The following LMAN2 variants were observed in gnomAD, a reference collection of about 807,000 sequenced individuals.
LMAN2 encodes lectin, mannose binding 2.
Under a neutral mutation model 39.3 loss-of-function variants are expected in LMAN2, and 22 were observed. The observed-to-expected ratio is 0.56, with a 90% CI of 0.40 to 0.80. LMAN2 has a LOEUF of 0.80. Ranked by LOEUF, LMAN2 falls within the 30% of genes least tolerant of loss-of-function variation. The pLI, the probability that LMAN2 is intolerant of heterozygous loss-of-function variation, is 0.00. For missense variants in LMAN2, 494 were observed against 505.4 expected (o/e 0.98, Z 0.22); for synonymous variants, 207 against 207.8 (o/e 1.00, Z 0.03).
Position 177,351,656 on chromosome 5 carries a change from CCT to C in LMAN2, c.-11_-10del, listed in dbSNP as rs780841323. 3 of 1,571,106 alleles carry C rather than the reference CCT, an allele frequency of 1.9e-6. No individual in the cohort carries two copies. In the Admixed American group the frequency reaches 5.9e-5, roughly 31 times the overall value. ...CAGCCTTCCGCCGCCATTCTCCTCT[CCT>C]CTCGGCCACTTCCGCCCTAGAACTT... On this transcript the variant is annotated 5_prime_UTR_variant, in exon 1 of 8. Transcript: ENST00000303127.
Position 177,337,267 on chromosome 5 carries a change from G to A in LMAN2, c.676-17C>T, listed in dbSNP as rs946597208. ...GGTCATCACCTGCAGGGCCCAGCAC[G>A]CTAAGCACCTCGCAGGACAGCAGCC... On this transcript the variant is annotated splice_polypyrimidine_tract_variant and intron_variant, in intron 5 of 7. Transcript: ENST00000303127. The surrounding 1 kb of genome is among the most constrained non-coding windows in gnomAD (Gnocchi z 8.2). 10 of 1,613,442 alleles carry A rather than the reference G, an allele frequency of 6.2e-6. No homozygotes were observed. The highest frequency in any genetic ancestry group is 2.7e-5 in the African/African-American group (2 of 75,040).
In LMAN2 at chr5:177,337,264, C is replaced by T; in HGVS notation, c.676-14G>A. 1 of 1,613,614 alleles carries T rather than the reference C, an allele frequency of 6.2e-7. No homozygotes were observed. The highest frequency in any genetic ancestry group is 1.7e-5 in the Admixed American group (1 of 60,012). On this transcript the variant is annotated splice_polypyrimidine_tract_variant and intron_variant, in intron 5 of 7. Coordinates refer to ENST00000303127, the MANE Select transcript of LMAN2 (RefSeq NM_006816.3). The surrounding 1 kb of genome is among the most constrained non-coding windows in gnomAD (Gnocchi z 8.2). ...GTCGGTCATCACCTGCAGGGCCCAG[C>T]ACGCTAAGCACCTCGCAGGACAGCA...
At position 177,332,408 on chromosome 5, in the gene LMAN2, C is replaced by T; in HGVS notation, c.911-162G>A. The T allele has an allele frequency of 1.5e-6, 1 of 652,516 alleles. No homozygotes were observed. The allele number at this position is 652,516 out of a possible 1,614,324, so 40.4% of individuals were successfully genotyped here. ...GGGGCAGAGGTCAGGTGAAGCCCATCCCAGCCAGCTCTGCAGTCCCCAGGG... is the reference window on the plus strand; with the variant it reads ...GGGGCAGAGGTCAGGTGAAGCCCATTCCAGCCAGCTCTGCAGTCCCCAGGG... On this transcript the variant is annotated intron_variant, in intron 7 of 7. Coordinates refer to ENST00000303127, the MANE Select transcript of LMAN2 (RefSeq NM_006816.3). The surrounding 1 kb of genome is among the most constrained non-coding windows in gnomAD (Gnocchi z 6.3).
rs1325515738 is a variant in LMAN2 at position 177,351,241 on chromosome 5, G to T, written c.247C>A (p.Leu83Ile). Reference sequence around the variant, plus strand: ...GTCAGACGTACGTACTGGCTCGTGAGCATAGTGCTGCCCTGGAAGTCCCAG... The same window carrying T: ...GTCAGACGTACGTACTGGCTCGTGATCATAGTGCTGCCCTGGAAGTCCCAG... ...PLWDFQGSTMLTSQYVRLTPD... is the reference protein window; with the variant it reads ...PLWDFQGSTMITSQYVRLTPD... Residue 83 changes from leucine (L) to isoleucine (I), a missense_variant, in exon 2 of 8, where the codon CTC becomes ATC. Coordinates refer to ENST00000303127, the MANE Select transcript of LMAN2 (RefSeq NM_006816.3). 1.2e-5 allele frequency: 20 copies of T among 1,614,070 alleles called. No homozygotes were observed. Among genetic ancestry groups the T allele is most frequent in the Non-Finnish European group, 1.6e-5 (19 of 1,180,046 alleles).
chr5:177,348,293 A>T (rs1761666419), intron 2 of LMAN2, among the ~76,000 whole-genome samples: 1 of 152,220 alleles, frequency 6.6e-6, no homozygotes. Context: ...TTTTACTTGC[A>T]GAAGAATATG....
chr5:177,345,773 A>T (rs1380233771), intron 2 of LMAN2, among the ~76,000 whole-genome samples: 3 of 150,736 alleles, frequency 2.0e-5, no homozygotes, highest in African/African-American at 7.3e-5. Flanking sequence ...TTATTTATTT[A>T]TTTATTTATT....
Position 177,337,616 on chromosome 5 carries a change from T to C in LMAN2, c.513+90A>G. On this transcript the variant is annotated intron_variant, in intron 4 of 7. Coordinates refer to ENST00000303127, the MANE Select transcript of LMAN2 (RefSeq NM_006816.3). This position sits in a 1 kb window ranked among gnomAD's most constrained non-coding sequence, Gnocchi z 8.2. Reference sequence around the variant, plus strand: ...CCCCAATCCCTGGAGGCTCCTCTTGTGCTGGGACCATGGAAGTCCCAGGGC... The same window carrying C: ...CCCCAATCCCTGGAGGCTCCTCTTGCGCTGGGACCATGGAAGTCCCAGGGC... The C allele has an allele frequency of 1.9e-6, 3 of 1,605,248 alleles. No individual in the cohort carries two copies. Among genetic ancestry groups the C allele is most frequent in the South Asian group, 1.1e-5 (1 of 90,300 alleles).
At chr5:177,343,574 C>CAG (rs1761589427) in intron 2 of LMAN2, among the ~76,000 whole-genome samples, 1 of 152,160 alleles carries the variant, frequency 6.6e-6, no homozygotes, top group African/African-American at 2.4e-5. Context: ...GACACACACA[C>CAG]ACACACACAC....
chr5:177,338,682 C>T (rs1761511400), intron 2 of LMAN2, 77 bp from the exon 3 acceptor site: 5 of 1,167,256 alleles, frequency 4.3e-6, no homozygotes, highest in Admixed American at 3.4e-5. Context: ...CAGCACGGCC[C>T]CTGCCCCACA....
At chr5:177,341,044 C>T (rs1056731096) in intron 2 of LMAN2, among the ~76,000 whole-genome samples, 4 of 149,708 alleles carry the variant, frequency 2.7e-5, no homozygotes, top group Non-Finnish European at 5.9e-5. Flanking sequence ...TGTGAGCCAC[C>T]ACGCCCAGCC....
intron 2 of LMAN2, among the ~76,000 whole-genome samples, chr5:177,339,164 T>C (rs1761517560): frequency 6.6e-6 from 1 of 152,176 alleles, no homozygotes; most frequent in Non-Finnish European, 1.5e-5. Flanking sequence ...CCGAGAGCTC[T>C]GCTCTGCCTT....
chr5:177,351,234 C>G lies in LMAN2; in HGVS notation c.254G>C (p.Ser85Thr), dbSNP rs1483171977. 1.9e-6 allele frequency: 3 copies of G among 1,614,070 alleles called. No homozygotes were observed. The Admixed American group carries it at 5.0e-5, about 27-fold the overall frequency. Residue 85 changes from serine (S) to threonine (T), a missense_variant, in exon 2 of 8, where the codon AGC (serine) becomes ACC (threonine). Physicochemically the swap from Ser to Thr is moderately conservative, Grantham distance 58. Coordinates refer to ENST00000303127, the MANE Select transcript of LMAN2 (RefSeq NM_006816.3). The part of the protein sequence containing the change: ...WDFQGSTMLT[S>T]QYVRLTPDER... ...GTCAGGGGTCAGACGTACGTACTGG[C>G]TCGTGAGCATAGTGCTGCCCTGGAA...
In LMAN2 at chr5:177,331,922, A is replaced by G; in HGVS notation, c.*164T>C. The stretch of plus-strand genomic sequence containing the variant: ...CCAGACCCTAAGCCTCGGCTCTGCC[A>G]CCTGTCCCTGCTGGGCAAGAAGCAA... On this transcript the variant is annotated 3_prime_UTR_variant, in exon 8 of 8. Transcript: ENST00000303127. The G allele has an allele frequency of 1.2e-6, 1 of 826,800 alleles. No homozygotes were observed. The highest frequency in any genetic ancestry group is 2.0e-5 in the South Asian group (1 of 49,140). The allele number at this position is 826,800 out of a possible 1,614,324, so 51.2% of individuals were successfully genotyped here.
intron 2 of LMAN2, among the ~76,000 whole-genome samples, chr5:177,342,117 T>TA (rs1214073297): frequency 2.6e-5 from 4 of 152,180 alleles, no homozygotes; most frequent in Admixed American, 2.0e-4. Context: ...AAATGCTAAA[T>TA]AAAAAAACAA....
intron 7 of LMAN2, among the ~76,000 whole-genome samples, chr5:177,333,404 C>T (rs528356453): frequency 3.3e-5 from 5 of 152,376 alleles, no homozygotes; most frequent in Non-Finnish European, 5.9e-5. Flanking sequence ...AGGCAGGTGC[C>T]ACCTCTGCAA....
chr5:177,337,901 T>G lies in LMAN2; in HGVS notation c.434-116A>C. On this transcript the variant is annotated intron_variant, in intron 3 of 7. Transcript: ENST00000303127. This position sits in a 1 kb window ranked among gnomAD's most constrained non-coding sequence, Gnocchi z 8.2. Reference sequence around the variant, plus strand: ...GCAAGAGAGCCCAACCCACTGGCCATTCACCGAGAGAGAAGGGATCGTGAA... The same window carrying G: ...GCAAGAGAGCCCAACCCACTGGCCAGTCACCGAGAGAGAAGGGATCGTGAA... The G allele has an allele frequency of 3.8e-6, 3 of 799,760 alleles. No individual in the cohort carries two copies. The highest frequency in any genetic ancestry group is 4.2e-6 in the Non-Finnish European group (2 of 479,242). 49.5% of individuals were successfully genotyped at this position (799,760 alleles called of 1,614,324 possible).
At chr5:177,349,053 G>A (rs1055790235) in intron 2 of LMAN2, among the ~76,000 whole-genome samples, 1 of 152,104 alleles carries the variant, frequency 6.6e-6, no homozygotes, top group African/African-American at 2.4e-5. Context: ...CTTTTCAAAA[G>A]GTTGCTACAA....
At chr5:177,346,453 C>A in intron 2 of LMAN2, 2 of 349,218 alleles carry the variant, frequency 5.7e-6, no homozygotes, top group Non-Finnish European at 4.8e-6. Flanking sequence ...AATTGATTAC[C>A]GGTTGTTGTT....
intron 2 of LMAN2, among the ~76,000 whole-genome samples, chr5:177,341,061 T>A (rs1253596648): frequency 7.8e-6 from 1 of 128,272 alleles, no homozygotes; most frequent in Non-Finnish European, 1.6e-5. Flanking sequence ...AGCCTTTTTT[T>A]TTCTTTTTTT....
Sources: allele counts gnomAD v4.1 joint callset (sites outside exome capture counted in the v4.1 genomes callset), GRCh38; gene constraint gnomAD v4.1.1; non-coding constraint Gnocchi (gnomAD v3.1); transcripts MANE v1.5; gene names NCBI Gene and HGNC (gene_info 2026-07-23, HGNC 2026-07-21).